Variants in MAP2K1 observed in about 807,000 individuals in gnomAD.
MAP2K1 encodes mitogen-activated protein kinase kinase 1, also known as dual specificity mitogen-activated protein kinase kinase 1.
MAP2K1 carries 16 observed loss-of-function variants against 46.3 expected under a neutral mutation model. The ratio of observed to expected loss-of-function variants is 0.35; its 90% CI spans 0.23 to 0.52. The LOEUF is 0.52. MAP2K1 is among the 20% of genes least tolerant of loss of function. MAP2K1 has a pLI of 0.94. For synonymous variants in MAP2K1, 183 were observed against 185.6 expected (o/e 0.99, Z 0.11); for missense variants, 263 against 497.1 (o/e 0.53, Z 4.48).
intron 5 of MAP2K1, among the ~76,000 whole-genome samples, chr15:66,449,351 G>A (rs995961608): frequency 2.0e-5 from 3 of 152,292 alleles, no homozygotes; most frequent in Middle Eastern, 3.4e-3. Flanking sequence ...AGTGGAAGAA[G>A]CCCTGTACAA....
At chr15:66,401,908 G>A (rs2093382671) in intron 1 of MAP2K1, 3 of 1,079,708 alleles carry the variant, frequency 2.8e-6, no homozygotes, top group Middle Eastern at 2.2e-4. Flanking sequence ...TGAGTGTGAC[G>A]GGTGCATCGG....
chr15:66,411,204 C>T (rs1179226873), intron 1 of MAP2K1, among the ~76,000 whole-genome samples: 2 of 151,824 alleles, frequency 1.3e-5, no homozygotes, highest in Non-Finnish European at 2.9e-5. Flanking sequence ...AGGTAGAGTG[C>T]TTAATATGGG....
rs535719136 is a variant in MAP2K1, at chr15:66,437,718, A to G, written c.438+826A>G. Among the ~76,000 whole-genome samples the G allele has an allele frequency of 6.6e-5, 10 of 152,298 alleles. No individual in the cohort carries two copies. In the South Asian group the frequency reaches 1.9e-3, roughly 28 times the overall value. On this transcript the variant is annotated intron_variant, in intron 3 of 10. Coordinates refer to ENST00000307102, the MANE Select transcript of MAP2K1 (RefSeq NM_002755.4). ...GGGAGGATTCTCTACTTGTGCCTCC[A>G]TTATTTTGAACCTCTCTTCATTGTA...
chr15:66,434,651 A>G (rs2093482845), intron 1 of MAP2K1, among the ~76,000 whole-genome samples: 1 of 152,192 alleles, frequency 6.6e-6, no homozygotes, highest in Non-Finnish European at 1.5e-5. Context: ...GCGTATGGTA[A>G]AAACAATAAA....
At chr15:66,481,688 G>A (rs1021706570) in intron 5 of MAP2K1, 67 bp from the exon 6 acceptor site, 1 of 1,578,546 alleles carries the variant, frequency 6.3e-7, no homozygotes, top group East Asian at 2.3e-5. Context: ...TGTGTGGAAT[G>A]CTGATCCTTC....
At chr15:66,391,492 G>A (rs1387840859) in intron 1 of MAP2K1, among the ~76,000 whole-genome samples, 1 of 152,150 alleles carries the variant, frequency 6.6e-6, no homozygotes, top group Non-Finnish European at 1.5e-5. Flanking sequence ...GTTTCACCAT[G>A]TTAGCCAGGA....
At position 66,466,579 on chromosome 15, in the gene MAP2K1, C is replaced by T. The variant is rs142951116; in HGVS notation, c.569-15176C>T. Among the ~76,000 whole-genome samples the T allele has an allele frequency of 1.4e-4, 21 of 152,204 alleles. No individual in the cohort carries two copies. In the East Asian group the frequency reaches 2.9e-3, roughly 21 times the overall value. ...CCTGTAGTCCCAGCTACTCAGGAGT[C>T]TGAGACCCAAGAATCACTTGAACCC... is the stretch of plus-strand genomic sequence containing the variant. On this transcript the variant is annotated intron_variant, in intron 5 of 10. Coordinates refer to ENST00000307102, the MANE Select transcript of MAP2K1 (RefSeq NM_002755.4).
At chr15:66,446,568 T>C in intron 5 of MAP2K1, 1 of 194,042 alleles carries the variant, frequency 5.2e-6, no homozygotes, top group Non-Finnish European at 1.1e-5. Flanking sequence ...GAGTTACCTT[T>C]CTCCAGATTA....
chr15:66,455,392 A>G (rs919274343), intron 5 of MAP2K1, among the ~76,000 whole-genome samples: 1 of 152,252 alleles, frequency 6.6e-6, no homozygotes, highest in African/African-American at 2.4e-5. Context: ...AGAATCTTGA[A>G]AAAGGCAAGC....
At chr15:66,466,404 C>T (rs990225309) in intron 5 of MAP2K1, among the ~76,000 whole-genome samples, 5 of 152,124 alleles carry the variant, frequency 3.3e-5, no homozygotes, top group Admixed American at 1.3e-4. Flanking sequence ...CCTGGCTGGG[C>T]GTGGTGGCTC....
chr15:66,477,489 T>TA (rs528531177), intron 5 of MAP2K1, among the ~76,000 whole-genome samples: 16 of 152,324 alleles, frequency 1.1e-4, no homozygotes, highest in African/African-American at 3.6e-4. Flanking sequence ...CATGCCTTAT[T>TA]ACATCAATCC....
chr15:66,387,012 T>C lies in MAP2K1; in HGVS notation c.-336T>C, dbSNP rs920566047. 2.3e-5 allele frequency: 7 copies of C among 302,438 alleles called. No individual in the cohort carries two copies. The highest frequency in any genetic ancestry group is 1.2e-5 in the Non-Finnish European group (2 of 165,582). The allele number at this position is 302,438 out of a possible 1,614,324, so 18.7% of individuals were successfully genotyped here. A position where few individuals can be genotyped will look rare whatever the true frequency, so the allele number is the denominator to read the frequency against. Reference sequence around the variant, plus strand: ...CTGGGCTCTGGTGCGCGCGCGGCTGTGCCGCCCGAGCCGGAGGGACTGGTT... The same window carrying C: ...CTGGGCTCTGGTGCGCGCGCGGCTGCGCCGCCCGAGCCGGAGGGACTGGTT... On this transcript the variant is annotated 5_prime_UTR_variant, in exon 1 of 11. Coordinates refer to ENST00000307102, the MANE Select transcript of MAP2K1 (RefSeq NM_002755.4).
chr15:66,448,385 T>C (rs1891936864), intron 5 of MAP2K1, among the ~76,000 whole-genome samples: 1 of 152,230 alleles, frequency 6.6e-6, no homozygotes, highest in South Asian at 2.1e-4. Flanking sequence ...CTGGTTCTAA[T>C]GCTGTGGTCC....
rs1004041522 is a variant in MAP2K1, at chr15:66,481,636, C to T, written c.569-119C>T. The T allele has an allele frequency of 1.3e-5, 15 of 1,155,060 alleles. No homozygotes were observed. In the African/African-American group the frequency reaches 1.5e-4, roughly 12 times the overall value. 71.6% of individuals were successfully genotyped at this position (1,155,060 alleles called of 1,614,324 possible). ...GCAAGCCAAGGGCTGCCTCTGATGG[C>T]GGACGGGGGTGTGGTCCTGGGACTC... On this transcript the variant is annotated intron_variant, in intron 5 of 10. Transcript: ENST00000307102.
chr15:66,400,863 G>C (rs538179661), intron 1 of MAP2K1, among the ~76,000 whole-genome samples: 1 of 152,334 alleles, frequency 6.6e-6, no homozygotes, highest in East Asian at 1.9e-4. Flanking sequence ...GGAGGTTGAA[G>C]AGAAAATGGA....
At chr15:66,387,482 G>T in intron 1 of MAP2K1, 55 bp downstream of exon 1, 5 of 1,512,476 alleles carry the variant, frequency 3.3e-6, no homozygotes, top group Admixed American at 2.0e-5. Flanking sequence ...GCCCGAGCCG[G>T]GGAGCAGGAG....
At chr15:66,404,180 G>C (rs932356525) in intron 1 of MAP2K1, among the ~76,000 whole-genome samples, 16 of 152,110 alleles carry the variant, frequency 1.1e-4, no homozygotes, top group Admixed American at 1.0e-3. Flanking sequence ...GAAAGGTACC[G>C]TTCACTAAAG....
chr15:66,434,916 T>G, intron 1 of MAP2K1, 111 bp from the exon 2 acceptor site: 1 of 817,124 alleles, frequency 1.2e-6, no homozygotes, highest in Non-Finnish European at 2.2e-6. Context: ...GCCTCCCACT[T>G]TGATTATCTG....
intron 1 of MAP2K1, among the ~76,000 whole-genome samples, chr15:66,387,647 C>T (rs1353306823): frequency 1.3e-5 from 2 of 152,202 alleles, no homozygotes; most frequent in African/African-American, 2.4e-5. Context: ...CTCTCTGTAC[C>T]CCTTTTCCCG....
Sources: gnomAD v4.1 joint callset for allele counts (sites outside exome capture counted in the v4.1 genomes callset) on GRCh38, gnomAD v4.1.1 for gene constraint, MANE v1.5 for transcripts, NCBI Gene and HGNC (gene_info 2026-07-23, HGNC 2026-07-21) for gene names.